Variants in ATP6V1B2 observed in about 807,000 individuals in gnomAD.
ATP6V1B2 encodes V-type proton ATPase subunit B, brain isoform.
A neutral mutation model predicts 66.7 loss-of-function variants in ATP6V1B2; 23 were observed. The ratio of observed to expected loss-of-function variants is 0.34; its 90% CI spans 0.25 to 0.49. The LOEUF (loss-of-function observed/expected upper bound fraction) is 0.49. Among genes scored for constraint, ATP6V1B2 ranks in the 20% least tolerant of loss-of-function variants. The pLI is 0.99. For synonymous variants in ATP6V1B2, 278 were observed against 236.7 expected (o/e 1.17, Z -1.60); for missense variants, 478 against 650.8 (o/e 0.73, Z 2.89).
At chr8:20,203,042 G>A (rs2072702482) in intron 1 of ATP6V1B2, among the ~76,000 whole-genome samples, 2 of 152,202 alleles carry the variant, frequency 1.3e-5, no homozygotes, top group African/African-American at 2.4e-5. Flanking sequence ...TTTTTTAAGA[G>A]TATTCAATCA....
intron 1 of ATP6V1B2, among the ~76,000 whole-genome samples, chr8:20,201,792 A>C (rs2072690415): frequency 6.6e-6 from 1 of 152,070 alleles, no homozygotes; most frequent in East Asian, 1.9e-4. Flanking sequence ...AAAGAAAGGG[A>C]ATTTATTTCT....
At chr8:20,217,365 T>C in intron 12 of ATP6V1B2, 41 bp downstream of exon 12, 1 of 1,525,498 alleles carries the variant, frequency 6.6e-7, no homozygotes, top group Non-Finnish European at 9.1e-7. Flanking sequence ...AAAATATGGA[T>C]ACGTTTCTGC....
chr8:20,208,793 C>T (rs573302054), intron 2 of ATP6V1B2, among the ~76,000 whole-genome samples: 2 of 151,440 alleles, frequency 1.3e-5, no homozygotes, highest in South Asian at 2.1e-4. Flanking sequence ...CTGCAACCTC[C>T]GTCTCCCCGG....
At chr8:20,211,802 C>A in intron 7 of ATP6V1B2, 49 bp downstream of exon 7, 1 of 1,419,048 alleles carries the variant, frequency 7.0e-7, no homozygotes, top group South Asian at 1.2e-5. Flanking sequence ...TTGCTTGTGT[C>A]GTGAGAACAT....
chr8:20,210,661 T>C lies in ATP6V1B2; in HGVS notation c.463+15T>C, dbSNP rs1453104204. On this transcript the variant is annotated intron_variant, in intron 5 of 13. Transcript: ENST00000276390. ...TGATATCATGGGTAGGTACAGTAGA[T>C]GGATTGCTGTGTTTGGGAGAAAATA... 2.5e-6 allele frequency: 4 copies of C among 1,602,826 alleles called. No individual in the cohort carries two copies. Among genetic ancestry groups the C allele is most frequent in the Non-Finnish European group, 3.4e-6 (4 of 1,169,996 alleles).
Position 20,211,312 on chromosome 8 carries a change from A to G in ATP6V1B2, c.599A>G (p.Asn200Ser), listed in dbSNP as rs757657390. 21 of 1,612,654 alleles carry G rather than the reference A, an allele frequency of 1.3e-5. No homozygotes were observed. Among genetic ancestry groups the G allele is most frequent in the African/African-American group, 1.3e-5 (1 of 74,856 alleles). ...PIFSAAGLPH[N>S]EIAAQICRQA... ...TTCTCTGCTGCTGGGCTACCACACA[A>G]TGAGGTGAGGACTGGGATCGGTTTG... The change falls in exon 6 of 14, where the codon AAT (asparagine) becomes AGT (serine). Residue 200 changes from asparagine to serine, a missense_variant. Asn to Ser is a conservative substitution (Grantham distance 46). Around this residue, in one of 2 missense-constraint regions of ATP6V1B2, gnomAD observed 326 missense variants for 545.6 expected, o/e 0.60. Transcript: ENST00000276390.
chr8:20,202,538 A>C (rs1294044021), intron 1 of ATP6V1B2, among the ~76,000 whole-genome samples: 1 of 152,226 alleles, frequency 6.6e-6, no homozygotes, highest in African/African-American at 2.4e-5. Context: ...GATGAAGTAG[A>C]ATCTTGTCTT....
chr8:20,220,124 C>A, intron 13 of ATP6V1B2, 139 bp from the exon 14 acceptor site: 1 of 830,062 alleles, frequency 1.2e-6, no homozygotes, highest in Non-Finnish European at 1.8e-6. Flanking sequence ...CTCAGTCCTT[C>A]TCATTTAGTC....
At chr8:20,203,157 A>T (rs1420014897) in intron 1 of ATP6V1B2, among the ~76,000 whole-genome samples, 1 of 152,192 alleles carries the variant, frequency 6.6e-6, no homozygotes, top group Non-Finnish European at 1.5e-5. Context: ...ATGACCATCC[A>T]TCCAAGTAGC....
chr8:20,206,085 A>G (rs1173931277), intron 2 of ATP6V1B2, among the ~76,000 whole-genome samples: 1 of 152,254 alleles, frequency 6.6e-6, no homozygotes, highest in Admixed American at 6.5e-5. Context: ...GTGAGTATCT[A>G]CCACAACCTG....
At chr8:20,198,724 A>G (rs1209430362) in intron 1 of ATP6V1B2, among the ~76,000 whole-genome samples, 2 of 152,234 alleles carry the variant, frequency 1.3e-5, no homozygotes, top group South Asian at 2.1e-4. Flanking sequence ...ACTAATCCAC[A>G]TCCTGATCTG....
intron 2 of ATP6V1B2, among the ~76,000 whole-genome samples, chr8:20,207,721 T>C (rs1292896947): frequency 7.7e-6 from 1 of 130,028 alleles, no homozygotes; most frequent in African/African-American, 2.8e-5. Flanking sequence ...ACTTAAAGTA[T>C]AAAAAAAAAA....
intron 1 of ATP6V1B2, among the ~76,000 whole-genome samples, chr8:20,198,638 G>C (rs769707618): frequency 1.3e-5 from 2 of 152,196 alleles, no homozygotes; most frequent in Non-Finnish European, 2.9e-5. Context: ...AATTGCCAGA[G>C]TGTCTGTCTC....
At chr8:20,203,635 G>A (rs2072708483) in intron 1 of ATP6V1B2, among the ~76,000 whole-genome samples, 1 of 151,984 alleles carries the variant, frequency 6.6e-6, no homozygotes, top group Admixed American at 6.5e-5. Context: ...ATGAAATTTA[G>A]TGAATTTTGT....
chr8:20,220,554 G>A lies in ATP6V1B2; in HGVS notation c.*152G>A. On this transcript the variant is annotated 3_prime_UTR_variant, in exon 14 of 14. Transcript: ENST00000276390. The stretch of plus-strand genomic sequence containing the variant: ...ATAGGTAACATATTGTGCCAGTGTT[G>A]CAACGTTTTAAACTGCTAACAGACC... 8.6e-7 allele frequency: 1 copy of A among 1,156,934 alleles called. No homozygotes were observed. Among genetic ancestry groups the A allele is most frequent in the Non-Finnish European group, 1.1e-6 (1 of 870,528 alleles). 71.7% of individuals were successfully genotyped at this position (1,156,934 alleles called of 1,614,324 possible). A position where few individuals can be genotyped will look rare whatever the true frequency, so the allele number is the denominator to read the frequency against.
At chr8:20,199,326 G>A (rs568405082) in intron 1 of ATP6V1B2, among the ~76,000 whole-genome samples, 3 of 152,292 alleles carry the variant, frequency 2.0e-5, no homozygotes, top group African/African-American at 7.2e-5. Context: ...CACATAGAAT[G>A]TGTCTTGTAA....
Position 20,220,467 on chromosome 8 carries a change from C to T in ATP6V1B2, c.*65C>T. ...GGTTCTGTTTTCTTTATTCCTTTTG[C>T]ACTCTCGGTTCCCACCTTTGTGTTG... On this transcript the variant is annotated 3_prime_UTR_variant, in exon 14 of 14. Transcript: ENST00000276390. 22 of 1,477,220 alleles carry T rather than the reference C, an allele frequency of 1.5e-5. No individual in the cohort carries two copies. The highest frequency in any genetic ancestry group is 2.0e-5 in the Non-Finnish European group (22 of 1,117,968). 91.5% of individuals were successfully genotyped at this position (1,477,220 alleles called of 1,614,324 possible).
chr8:20,217,158 T>G, intron 11 of ATP6V1B2, 62 bp from the exon 12 acceptor site: 1 of 1,334,536 alleles, frequency 7.5e-7, no homozygotes, highest in South Asian at 1.2e-5. Flanking sequence ...GTTTTTTTAT[T>G]ACCAGTAAAA....
chr8:20,211,183 C>T lies in ATP6V1B2; in HGVS notation c.470C>T (p.Pro157Leu). Residue 157 changes from proline to leucine, a missense_variant, in exon 6 of 14, where the codon CCA (proline) becomes CTA (leucine). Pro to Leu is a moderately conservative substitution (Grantham distance 98). This residue lies in a region of ATP6V1B2 where 326 missense variants were observed against 545.6 expected (regional missense o/e 0.60). Coordinates refer to ENST00000276390, the MANE Select transcript of ATP6V1B2 (RefSeq NM_001693.4). Reference sequence around the variant, plus strand: ...CTTTTTGGAAATACATTAGGTCAGCCAATCAACCCTCAATGTCGAATCTAC... The same window carrying T: ...CTTTTTGGAAATACATTAGGTCAGCTAATCAACCCTCAATGTCGAATCTAC... ...AEDFLDIMGQ[P>L]INPQCRIYPE... The T allele has an allele frequency of 6.2e-7, 1 of 1,611,190 alleles. No individual in the cohort carries two copies. Among genetic ancestry groups the T allele is most frequent in the South Asian group, 1.1e-5 (1 of 90,530 alleles).
Sources: gnomAD v4.1 joint callset for allele counts (sites outside exome capture counted in the v4.1 genomes callset) on GRCh38, gnomAD v4.1.1 for gene constraint, gnomAD v4.1.1 regional missense constraint, MANE v1.5 for transcripts, NCBI Gene and HGNC (gene_info 2026-07-23, HGNC 2026-07-21) for gene names.